ZNF407: variants seen among roughly 807,000 people sequenced by gnomAD.
The protein encoded by ZNF407 is zinc finger protein 407.
Under a neutral mutation model 131.2 loss-of-function variants are expected in ZNF407, and 17 were observed. The observed-to-expected ratio is 0.13, with a 90% CI of 0.09 to 0.19. ZNF407 has a LOEUF of 0.19. ZNF407 is among the 10% of genes least tolerant of loss of function. The pLI, the probability that ZNF407 is intolerant of heterozygous loss-of-function variation, is 1.00. For missense variants in ZNF407, 2,681 were observed against 2,830.6 expected (o/e 0.95, Z 1.20); for synonymous variants, 1,156 against 1,062.0 (o/e 1.09, Z -1.72).
intron 3 of ZNF407, among the ~76,000 whole-genome samples, chr18:74,652,835 A>G (rs557147039): frequency 1.7e-4 from 26 of 152,076 alleles, no homozygotes; most frequent in Middle Eastern, 3.4e-3. Context: ...CACCTCTCAC[A>G]TATAGGGTAT....
At chr18:74,609,943 A>G (rs970703197) in intron 1 of ZNF407, among the ~76,000 whole-genome samples, 1 of 152,152 alleles carries the variant, frequency 6.6e-6, no homozygotes, top group Non-Finnish European at 1.5e-5. Context: ...TGTGGATGAC[A>G]TTGCTGTATA....
At chr18:74,872,228 C>T (rs1044648617) in intron 4 of ZNF407, among the ~76,000 whole-genome samples, 4 of 147,362 alleles carry the variant, frequency 2.7e-5, no homozygotes, top group East Asian at 2.0e-4. Context: ...TGCACATGGA[C>T]GACCTAGGTT....
rs145497978 is a variant in ZNF407, at chr18:74,886,855, G to A, written c.5129-3063G>A. ...CAAAACTTATCAAATGGAAGTTTTT[G>A]TGTATCAATTATGCCTCACTGAAGC... On this transcript the variant is annotated intron_variant, in intron 6 of 8. Transcript: ENST00000299687. 2.4e-3 allele frequency among the ~76,000 whole-genome samples: 361 copies of A among 152,310 alleles called. 2 individuals are homozygous for A. The highest frequency in any genetic ancestry group is 4.5e-3 in the Non-Finnish European group (303 of 68,018).
At chr18:75,027,545 T>C (rs898222639) in intron 8 of ZNF407, among the ~76,000 whole-genome samples, 1 of 151,960 alleles carries the variant, frequency 6.6e-6, no homozygotes, top group Non-Finnish European at 1.5e-5. Context: ...TGTTAGTGGG[T>C]TGGATATGGA....
chr18:74,711,006 AATTCACTCT>A (rs1411474660), intron 3 of ZNF407, among the ~76,000 whole-genome samples: 23 of 150,914 alleles, frequency 1.5e-4, no homozygotes, highest in Admixed American at 1.4e-3. Flanking sequence ...TGCTATTATC[AATTCACTCT>A]GTCCATTCTC....
chr18:74,686,173 C>G (rs918863854), intron 3 of ZNF407, among the ~76,000 whole-genome samples: 14 of 152,224 alleles, frequency 9.2e-5, no homozygotes, highest in Non-Finnish European at 1.8e-4. Context: ...AGTGTTCTAA[C>G]TTGGGTTCCC....
intron 8 of ZNF407, among the ~76,000 whole-genome samples, chr18:74,942,710 T>C (rs1294010584): frequency 6.6e-6 from 1 of 152,126 alleles, no homozygotes; most frequent in Admixed American, 6.5e-5. Context: ...TCTGGGGCGC[T>C]TCCTCTCCAT....
intron 3 of ZNF407, among the ~76,000 whole-genome samples, chr18:74,715,821 T>C (rs1967880632): frequency 6.6e-6 from 1 of 152,234 alleles, no homozygotes; most frequent in South Asian, 2.1e-4. Context: ...TCAATGTTCT[T>C]AGCATATTTT....
chr18:74,658,983 G>A (rs1489108281), intron 3 of ZNF407, among the ~76,000 whole-genome samples: 1 of 152,044 alleles, frequency 6.6e-6, no homozygotes, highest in Non-Finnish European at 1.5e-5. Flanking sequence ...TACACATGGT[G>A]TGTTTTCACT....
In ZNF407 at chr18:74,901,683, T is replaced by TTACA. The variant is rs201861059; in HGVS notation, c.5249+11646_5249+11647insACAT. On this transcript the variant is annotated intron_variant, in intron 7 of 8. Coordinates refer to ENST00000299687, the MANE Select transcript of ZNF407 (RefSeq NM_017757.3). ...AATATCAGCATATATATATTTTTAA[T>TTACA]TGCTTCCTTCCAATTCATGACTTGT... 2.9e-3 allele frequency among the ~76,000 whole-genome samples: 18 copies of TTACA among 6,230 alleles called. No individual in the cohort carries two copies. In the Non-Finnish European group the frequency reaches 0.042, roughly 15 times the overall value. The allele number at this position is 6,230 out of a possible 152,430, so 4.1% of individuals were successfully genotyped here. A position where few individuals can be genotyped will look rare whatever the true frequency, so the allele number is the denominator to read the frequency against.
intron 3 of ZNF407, among the ~76,000 whole-genome samples, chr18:74,702,743 A>G (rs1967529367): frequency 6.6e-6 from 1 of 152,196 alleles, no homozygotes; most frequent in African/African-American, 2.4e-5. Context: ...TGATATGCAT[A>G]CGTATATTCA....
chr18:74,930,532 G>GT (rs941079066), intron 8 of ZNF407, among the ~76,000 whole-genome samples: 8 of 151,892 alleles, frequency 5.3e-5, no homozygotes, highest in Non-Finnish European at 8.8e-5. Flanking sequence ...TTTAAATGGT[G>GT]TTTTTTTTCT....
At chr18:75,029,099 A>C (rs539128210) in intron 8 of ZNF407, among the ~76,000 whole-genome samples, 2 of 152,206 alleles carry the variant, frequency 1.3e-5, no homozygotes, top group African/African-American at 4.8e-5. Context: ...CTCAAAATGC[A>C]CATAATATAG....
At chr18:74,882,886 A>G (rs767106493) in intron 6 of ZNF407, among the ~76,000 whole-genome samples, 1 of 152,222 alleles carries the variant, frequency 6.6e-6, no homozygotes, top group Non-Finnish European at 1.5e-5. Context: ...TTCACTTTTA[A>G]TCAGTGCTCA....
intron 7 of ZNF407, among the ~76,000 whole-genome samples, chr18:74,909,729 A>G (rs1971643739): frequency 6.6e-6 from 1 of 152,130 alleles, no homozygotes; most frequent in Non-Finnish European, 1.5e-5. Context: ...GAAGGGTTTT[A>G]TAAACCTTTA....
At chr18:74,877,137 G>A in intron 4 of ZNF407, 60 bp from the exon 5 acceptor site, 5 of 1,516,152 alleles carry the variant, frequency 3.3e-6, no homozygotes, top group African/African-American at 1.4e-5. Flanking sequence ...CGCGCTGCCT[G>A]GGGCCTTCGG....
At chr18:74,991,314 T>C (rs896460431) in intron 8 of ZNF407, among the ~76,000 whole-genome samples, 3 of 152,228 alleles carry the variant, frequency 2.0e-5, no homozygotes, top group African/African-American at 7.2e-5. Flanking sequence ...CAGCAGTGCC[T>C]TGCAAGATGA....
At chr18:75,060,537 G>A (rs113873453) in intron 8 of ZNF407, among the ~76,000 whole-genome samples, 29 of 122,578 alleles carry the variant, frequency 2.4e-4, no homozygotes, top group African/African-American at 7.5e-4. Context: ...ACGGAGTCTC[G>A]CTCTGTCGCC....
At chr18:74,756,985 T>A (rs1432280311) in intron 3 of ZNF407, among the ~76,000 whole-genome samples, 1 of 152,070 alleles carries the variant, frequency 6.6e-6, no homozygotes, top group East Asian at 1.9e-4. Flanking sequence ...TCTTCTTTCT[T>A]TTTTCTTCTT....
Sources: allele counts gnomAD v4.1 joint callset (sites outside exome capture counted in the v4.1 genomes callset), GRCh38; gene constraint gnomAD v4.1.1; transcripts MANE v1.5; gene names NCBI Gene and HGNC (gene_info 2026-07-23, HGNC 2026-07-21).